The following ZNF569 variants were observed in gnomAD, a reference collection of about 807,000 sequenced individuals.
ZNF569 encodes DNA-binding protein.
In ZNF569, 38 loss-of-function variants were observed where a neutral mutation model predicts 56.3. The observed-to-expected ratio is 0.68, with a 90% confidence interval of 0.52 to 0.88. ZNF569 has a LOEUF of 0.88. ZNF569 is among the 40% of genes least tolerant of loss of function. ZNF569 has a pLI of 0.00. For synonymous variants in ZNF569, 241 were observed against 262.9 expected (o/e 0.92, Z 0.81); for missense variants, 666 against 809.2 (o/e 0.82, Z 2.15).
At chr19:37,449,495 A>G (rs2041556427) in intron 2 of ZNF569, among the ~76,000 whole-genome samples, 1 of 152,108 alleles carries the variant, frequency 6.6e-6, no homozygotes, top group South Asian at 2.1e-4. Flanking sequence ...TTTCAGTTCT[A>G]TCAGTTTTTG....
chr19:37,427,405 T>C (rs1185612980), intron 3 of ZNF569, among the ~76,000 whole-genome samples: 2 of 152,148 alleles, frequency 1.3e-5, no homozygotes, highest in Admixed American at 6.5e-5. Context: ...TAATGCACTC[T>C]TCCTAGTTCA....
chr19:37,458,905 TCAA>T (rs2041715155), intron 2 of ZNF569, among the ~76,000 whole-genome samples: 1 of 152,016 alleles, frequency 6.6e-6, no homozygotes. Flanking sequence ...AATGGACTCA[TCAA>T]CAAACTCAAC....
intron 2 of ZNF569, among the ~76,000 whole-genome samples, chr19:37,454,169 G>A (rs2041636996): frequency 6.6e-6 from 1 of 152,146 alleles, no homozygotes; most frequent in South Asian, 2.1e-4. Flanking sequence ...AATAATATCT[G>A]TGTTTAAGGT....
intron 5 of ZNF569, among the ~76,000 whole-genome samples, chr19:37,415,116 A>T (rs965599079): frequency 3.9e-5 from 6 of 152,176 alleles, no homozygotes; most frequent in Non-Finnish European, 5.9e-5. Flanking sequence ...GATTTCATTT[A>T]TGAAAACCAT....
chr19:37,458,212 T>C (rs1934813802), intron 2 of ZNF569, among the ~76,000 whole-genome samples: 1 of 152,156 alleles, frequency 6.6e-6, no homozygotes, highest in Admixed American at 6.5e-5. Flanking sequence ...TTAAAAAGTG[T>C]ATTTTATTTT....
intron 2 of ZNF569, among the ~76,000 whole-genome samples, chr19:37,464,388 A>C (rs2041800088): frequency 1.3e-5 from 2 of 152,098 alleles, no homozygotes; most frequent in South Asian, 4.1e-4. Context: ...ATGGGGTTTC[A>C]CCGTGTTAGC....
intron 3 of ZNF569, among the ~76,000 whole-genome samples, chr19:37,440,971 A>G (rs1231654098): frequency 1.3e-5 from 2 of 152,156 alleles, no homozygotes; most frequent in South Asian, 2.1e-4. Context: ...GCCTTATTTT[A>G]TACTACCTTG....
At chr19:37,467,760 G>A (rs1420879494), upstream of ZNF569, 10 of 861,022 alleles carry the variant, frequency 1.2e-5, 1 homozygote, top group Non-Finnish European at 1.8e-5. Flanking sequence ...TTTGGAGTGG[G>A]GTTTCCAGGG....
At chr19:37,445,213 A>T (rs2041473064) in intron 2 of ZNF569, among the ~76,000 whole-genome samples, 1 of 152,210 alleles carries the variant, frequency 6.6e-6, no homozygotes, top group Admixed American at 6.5e-5. Context: ...GAATACATGT[A>T]GCATCATGAA....
chr19:37,432,032 C>T (rs898485197), intron 3 of ZNF569, among the ~76,000 whole-genome samples: 4 of 152,166 alleles, frequency 2.6e-5, no homozygotes, highest in Non-Finnish European at 4.4e-5. Context: ...AAGTACATTC[C>T]TAAGGTTTCT....
intron 2 of ZNF569, among the ~76,000 whole-genome samples, chr19:37,461,176 A>C (rs572766366): frequency 1.3e-5 from 2 of 152,334 alleles, no homozygotes; most frequent in East Asian, 3.9e-4. Context: ...TAAACGAAGT[A>C]ATGACAGAAT....
At chr19:37,460,412 G>GGA (rs2041738563) in intron 2 of ZNF569, among the ~76,000 whole-genome samples, 1 of 152,010 alleles carries the variant, frequency 6.6e-6, no homozygotes. Context: ...CAAAGTGCTG[G>GGA]GATTACACGC....
chr19:37,437,910 T>A (rs1463134931), intron 3 of ZNF569, among the ~76,000 whole-genome samples: 1 of 120,492 alleles, frequency 8.3e-6, no homozygotes, highest in Admixed American at 8.1e-5. Context: ...AAGCAATCTA[T>A]AGATTCAATG....
chr19:37,445,844 A>C (rs1281946223), intron 2 of ZNF569, among the ~76,000 whole-genome samples: 2 of 152,230 alleles, frequency 1.3e-5, no homozygotes, highest in Non-Finnish European at 2.9e-5. Flanking sequence ...GATGGGTATA[A>C]TCAATATTGT....
intron 5 of ZNF569, among the ~76,000 whole-genome samples, chr19:37,421,743 CTTTTTTTTTT>C (rs748058159): frequency 1.3e-5 from 1 of 79,664 alleles, no homozygotes; most frequent in African/African-American, 5.2e-5. Context: ...TGTAGTGGCA[CTTTTTTTTTT>C]TTTTTTTTTT....
intron 5 of ZNF569, among the ~76,000 whole-genome samples, chr19:37,418,450 G>C (rs931062569): frequency 2.0e-5 from 3 of 152,074 alleles, no homozygotes; most frequent in Admixed American, 6.6e-5. Flanking sequence ...CGAAGACAAA[G>C]ACCATAACAG....
chr19:37,448,044 T>C (rs1413738150), intron 2 of ZNF569, among the ~76,000 whole-genome samples: 2 of 152,150 alleles, frequency 1.3e-5, no homozygotes, highest in African/African-American at 2.4e-5. Flanking sequence ...TAGTCTGTAG[T>C]TTTCTTGTAA....
chr19:37,420,794 C>T (rs1027602951), intron 5 of ZNF569, among the ~76,000 whole-genome samples: 3 of 152,176 alleles, frequency 2.0e-5, no homozygotes, highest in Non-Finnish European at 4.4e-5. Context: ...TCCTTTCCAG[C>T]CAGTTTTTAC....
At chr19:37,461,406 A>C (rs1188266539) in intron 2 of ZNF569, among the ~76,000 whole-genome samples, 1 of 151,292 alleles carries the variant, frequency 6.6e-6, no homozygotes, top group Non-Finnish European at 1.5e-5. Flanking sequence ...TCCTGGGTTC[A>C]AGCGATTCTC....
Sources: gnomAD v4.1 joint callset for allele counts (sites outside exome capture counted in the v4.1 genomes callset) on GRCh38, gnomAD v4.1.1 for gene constraint, MANE v1.5 for transcripts, NCBI Gene and HGNC (gene_info 2026-07-23, HGNC 2026-07-21) for gene names.